Variants in SEPTIN9 observed in about 807,000 individuals in gnomAD.
SEPTIN9 encodes the protein septin-9.
SEPTIN9 carries 13 observed loss-of-function variants against 56.6 expected under a neutral mutation model. The observed-to-expected ratio is 0.23, with a 90% CI of 0.15 to 0.37. SEPTIN9 has a LOEUF of 0.37. Ranked by LOEUF, SEPTIN9 falls within the 10% of genes least tolerant of loss-of-function variation. The pLI, the probability that SEPTIN9 is intolerant of heterozygous loss-of-function variation, is 1.00. For synonymous variants in SEPTIN9, 332 were observed against 334.1 expected (o/e 0.99, Z 0.07); for missense variants, 650 against 823.1 (o/e 0.79, Z 2.57).
At chr17:77,315,413 G>A (rs2032660528) in intron 2 of SEPTIN9, among the ~76,000 whole-genome samples, 1 of 151,922 alleles carries the variant, frequency 6.6e-6, no homozygotes, top group Admixed American at 6.6e-5. Flanking sequence ...TCAGCCTTCT[G>A]AATAGCTGGG....
At chr17:77,383,083 G>A (rs945457553) in intron 2 of SEPTIN9, among the ~76,000 whole-genome samples, 3 of 151,990 alleles carry the variant, frequency 2.0e-5, no homozygotes, top group Non-Finnish European at 4.4e-5. Context: ...TGATGAAGCA[G>A]GCTCCTGCAC....
chr17:77,393,680 C>T (rs1179943030), intron 2 of SEPTIN9, among the ~76,000 whole-genome samples: 1 of 152,184 alleles, frequency 6.6e-6, no homozygotes, highest in Non-Finnish European at 1.5e-5. Context: ...ACCTCCGCCT[C>T]CTGGGTTCAA....
chr17:77,408,101 G>C (rs1459411176), intron 3 of SEPTIN9, among the ~76,000 whole-genome samples: 3 of 152,172 alleles, frequency 2.0e-5, no homozygotes, highest in Non-Finnish European at 4.4e-5. Context: ...ATGCTCACTG[G>C]GGGCAAGAGG....
Position 77,402,029 on chromosome 17 carries a change from C to T in SEPTIN9, c.77-30C>T. The T allele has an allele frequency of 1.2e-6, 2 of 1,601,666 alleles. No homozygotes were observed. The highest frequency in any genetic ancestry group is 1.7e-6 in the Non-Finnish European group (2 of 1,171,658). ...GGAGTGTTCCCTAGCCATCCATTCA[C>T]CAATTGCATCCCCTCTCTTTATTTT... is the stretch of plus-strand genomic sequence containing the variant. On this transcript the variant is annotated intron_variant, in intron 2 of 11. Transcript: ENST00000427177. This position sits in a 1 kb window ranked among gnomAD's most constrained non-coding sequence, Gnocchi z 6.6.
chr17:77,497,212 A>T, intron 10 of SEPTIN9, 103 bp from the exon 11 acceptor site: 3 of 1,203,424 alleles, frequency 2.5e-6, no homozygotes, highest in Non-Finnish European at 3.6e-6. Context: ...CTGCCCTCAG[A>T]CTCTGCTTTT....
At chr17:77,496,616 T>A (rs1421621833) in intron 10 of SEPTIN9, among the ~76,000 whole-genome samples, 1 of 152,370 alleles carries the variant, frequency 6.6e-6, no homozygotes, top group East Asian at 1.9e-4. Context: ...CGAGGGCACT[T>A]GTGGGTGCCC....
Position 77,441,544 on chromosome 17 carries a change from CA to C in SEPTIN9, c.721+38843del, listed in dbSNP as rs201998153. Among the ~76,000 whole-genome samples, 567 of 152,334 alleles carry C rather than the reference CA, an allele frequency of 3.7e-3. 7 individuals are homozygous for C. The highest frequency in any genetic ancestry group is 0.013 in the African/African-American group (542 of 41,572). On this transcript the variant is annotated intron_variant, in intron 3 of 11. Coordinates refer to ENST00000427177, the MANE Select transcript of SEPTIN9 (RefSeq NM_001113491.2). Reference sequence around the variant, plus strand: ...GCAGGAAGTTTGAGCAACAGCCTGTCAAGCACCCATACAGCAGGTGGTTTCA... The same window carrying C: ...GCAGGAAGTTTGAGCAACAGCCTGTCAGCACCCATACAGCAGGTGGTTTCA...
intron 2 of SEPTIN9, among the ~76,000 whole-genome samples, chr17:77,357,129 G>T (rs1197481890): frequency 6.6e-6 from 1 of 152,102 alleles, no homozygotes; most frequent in Non-Finnish European, 1.5e-5. Context: ...GGGCACAAAG[G>T]GCAGGATGGA....
At position 77,492,491 on chromosome 17, in the gene SEPTIN9, C is replaced by T. The variant is rs534942042; in HGVS notation, c.1381-130C>T. On this transcript the variant is annotated intron_variant, in intron 8 of 11. Coordinates refer to ENST00000427177, the MANE Select transcript of SEPTIN9 (RefSeq NM_001113491.2). The surrounding 1 kb of genome is among the most constrained non-coding windows in gnomAD (Gnocchi z 5.4). ...CAGGAGTTGGAGGTGATTGGTGTCA[C>T]AGCCCCCCAGAGCCTGCCCTTGAAC... 4.5e-5 allele frequency: 36 copies of T among 808,434 alleles called. No individual in the cohort carries two copies. Among genetic ancestry groups the T allele is most frequent in the Non-Finnish European group, 7.9e-5 (36 of 457,594 alleles). 50.1% of individuals were successfully genotyped at this position (808,434 alleles called of 1,614,324 possible). A position where few individuals can be genotyped will look rare whatever the true frequency, so the allele number is the denominator to read the frequency against.
At chr17:77,488,458 C>T (rs950633376) in intron 6 of SEPTIN9, 137 bp downstream of exon 6, 12 of 885,856 alleles carry the variant, frequency 1.4e-5, no homozygotes, top group African/African-American at 1.0e-4. Context: ...CTGCCAAAGC[C>T]GCACGTCTCA....
intron 2 of SEPTIN9, among the ~76,000 whole-genome samples, chr17:77,328,577 G>T (rs1350806829): frequency 2.0e-5 from 3 of 152,110 alleles, no homozygotes; most frequent in African/African-American, 2.4e-5. Context: ...TGTTGGTCAG[G>T]CTGGTCCCGA....
At position 77,475,569 on chromosome 17, in the gene SEPTIN9, G is replaced by C. The variant is rs1251312075; in HGVS notation, c.722-6575G>C. 1 of 1,613,368 alleles carries C rather than the reference G, an allele frequency of 6.2e-7. No homozygotes were observed. Among genetic ancestry groups the C allele is most frequent in the Non-Finnish European group, 8.5e-7 (1 of 1,179,776 alleles). ...TGCAGGTGGCCGTAGGGCTGCCGCAGGGGTGCTGGCCCCAGGGTCTGGATT... is the reference window on the plus strand; with the variant it reads ...TGCAGGTGGCCGTAGGGCTGCCGCACGGGTGCTGGCCCCAGGGTCTGGATT... On this transcript the variant is annotated intron_variant, in intron 3 of 11. Transcript: ENST00000427177. The surrounding 1 kb of genome is among the most constrained non-coding windows in gnomAD (Gnocchi z 4.6).
intron 3 of SEPTIN9, among the ~76,000 whole-genome samples, chr17:77,432,499 C>T (rs2144290332): frequency 6.6e-6 from 1 of 152,342 alleles, no homozygotes; most frequent in African/African-American, 2.4e-5. Flanking sequence ...GTGCCCTGCT[C>T]CCTGACCCAA....
At position 77,371,627 on chromosome 17, in the gene SEPTIN9, G is replaced by C. The variant is rs1306442650; in HGVS notation, c.77-30432G>C. 6.6e-6 allele frequency among the ~76,000 whole-genome samples: 1 copy of C among 152,194 alleles called. No homozygotes were observed. The highest frequency in any genetic ancestry group is 1.5e-5 in the Non-Finnish European group (1 of 68,038). On this transcript the variant is annotated intron_variant, in intron 2 of 11. Coordinates refer to ENST00000427177, the MANE Select transcript of SEPTIN9 (RefSeq NM_001113491.2). The surrounding 1 kb of genome is among the most constrained non-coding windows in gnomAD (Gnocchi z 4.1). ...GTGGACAGGTGGCCCAGTAGGGGCT[G>C]GACTATCCGATAGGCCCAGGTGCTG... is the stretch of plus-strand genomic sequence containing the variant.
In SEPTIN9 at chr17:77,435,209, C is replaced by T. The variant is rs1372713305; in HGVS notation, c.721+32506C>T. On this transcript the variant is annotated intron_variant, in intron 3 of 11. Transcript: ENST00000427177. The surrounding 1 kb of genome is among the most constrained non-coding windows in gnomAD (Gnocchi z 4.5). ...GCATGGCAGAGGGAGGGTCCGAATG[C>T]GGAAAGTCTGGCTTCAGTGCCCCCA... 6.6e-6 allele frequency among the ~76,000 whole-genome samples: 1 copy of T among 152,134 alleles called. No individual in the cohort carries two copies. Among genetic ancestry groups the T allele is most frequent in the Admixed American group, 6.5e-5 (1 of 15,280 alleles).
intron 2 of SEPTIN9, among the ~76,000 whole-genome samples, chr17:77,331,488 C>T (rs2033355107): frequency 6.6e-6 from 1 of 152,138 alleles, no homozygotes; most frequent in South Asian, 2.1e-4. Context: ...CACCAGTGCC[C>T]CGAGATTGCA....
At position 77,383,505 on chromosome 17, in the gene SEPTIN9, C is replaced by G. The variant is rs117291010; in HGVS notation, c.77-18554C>G. ...CACTGTGGAGACCTGTTCCCTGGCC[C>G]CTGGCTGAGCACGATGGAAATCTCT... On this transcript the variant is annotated intron_variant, in intron 2 of 11. Transcript: ENST00000427177. Among the ~76,000 whole-genome samples the G allele has an allele frequency of 4.1e-3, 626 of 152,278 alleles. 4 individuals carry two copies. Among genetic ancestry groups the G allele is most frequent in the Middle Eastern group, 6.8e-3 (2 of 294 alleles).
At position 77,484,757 on chromosome 17, in the gene SEPTIN9, GTGGTGATGT is replaced by G. The variant is rs1314233301; in HGVS notation, c.913+2423_913+2431del. On this transcript the variant is annotated intron_variant, in intron 4 of 11. Transcript: ENST00000427177. ...GATGGTGGTGGTGGTGGTTGTGATG[GTGGTGATGT>G]GGGTGGTGGTGGTGATTGTGATGGT... 4.6e-5 allele frequency among the ~76,000 whole-genome samples: 5 copies of G among 109,254 alleles called. 1 individual carries two copies. Among genetic ancestry groups the G allele is most frequent in the African/African-American group, 2.2e-4 (5 of 22,526 alleles). The allele number at this position is 109,254 out of a possible 152,430, so 71.7% of individuals were successfully genotyped here. A position where few individuals can be genotyped will look rare whatever the true frequency, so the allele number is the denominator to read the frequency against.
chr17:77,377,717 G>A (rs1367084278), intron 2 of SEPTIN9, among the ~76,000 whole-genome samples: 4 of 152,176 alleles, frequency 2.6e-5, no homozygotes, highest in Admixed American at 6.5e-5. Flanking sequence ...GGGAGCTGGC[G>A]CGCTGGCAGG....
Sources: gnomAD v4.1 joint callset for allele counts (sites outside exome capture counted in the v4.1 genomes callset) on GRCh38, gnomAD v4.1.1 for gene constraint, Gnocchi (gnomAD v3.1) non-coding constraint, MANE v1.5 for transcripts, NCBI Gene and HGNC (gene_info 2026-07-23, HGNC 2026-07-21) for gene names.